The following HYDIN variants were observed in gnomAD, a reference collection of about 807,000 sequenced individuals.
HYDIN encodes axonemal central pair apparatus protein HYDIN.
A neutral mutation model predicts 403.9 loss-of-function variants in HYDIN; 132 were observed. That is an observed-to-expected ratio of 0.33 (90% CI 0.28 to 0.38). The LOEUF (loss-of-function observed/expected upper bound fraction) is 0.38, where lower values mean the gene tolerates loss of function less well. Among genes scored for constraint, HYDIN ranks in the 10% least tolerant of loss-of-function variants. The probability of loss-of-function intolerance (pLI) is 1.00; values close to 1 mark genes in which losing one functional copy is unlikely to be tolerated. For missense variants in HYDIN, 2,827 were observed against 5,009.5 expected (o/e 0.56, Z 13.15); for synonymous variants, 1,202 against 1,891.7 (o/e 0.64, Z 9.46).
intron 78 of HYDIN, among the ~76,000 whole-genome samples, chr16:70,835,043 G>C (rs1469015854): frequency 7.4e-6 from 1 of 135,696 alleles, no homozygotes; most frequent in Non-Finnish European, 1.6e-5. Context: ...TTTTTTTTGA[G>C]ATGGAGTGCC....
chr16:70,942,401 G>A (rs2077707606), intron 42 of HYDIN, among the ~76,000 whole-genome samples: 1 of 152,118 alleles, frequency 6.6e-6, no homozygotes, highest in Admixed American at 6.5e-5. Flanking sequence ...TTAAAGGGCC[G>A]ATCTGGGAAG....
At chr16:70,895,948 C>T in intron 54 of HYDIN, 33 bp downstream of exon 54, 2 of 1,566,172 alleles carry the variant, frequency 1.3e-6, no homozygotes, top group Non-Finnish European at 1.7e-6. Flanking sequence ...GACCCAACTT[C>T]CAAACATCCT....
At chr16:70,978,607 C>T (rs2502652) in intron 30 of HYDIN, among the ~76,000 whole-genome samples, 1 of 152,086 alleles carries the variant, frequency 6.6e-6, no homozygotes, top group South Asian at 2.1e-4. Context: ...GATGCAAAGT[C>T]GATTGGGCCA....
chr16:70,938,559 T>G, intron 44 of HYDIN, 55 bp downstream of exon 44: 1 of 1,203,556 alleles, frequency 8.3e-7, no homozygotes. Context: ...CTGGTCACTC[T>G]GTGGGGACGG....
At chr16:70,933,478 G>A (rs1405869839) in intron 45 of HYDIN, 2 of 149,714 alleles carry the variant, frequency 1.3e-5, no homozygotes, top group Admixed American at 6.7e-5. Context: ...GGGAGGCAGT[G>A]CAAGAACCAG....
intron 46 of HYDIN, 119 bp downstream of exon 46, chr16:70,920,472 T>C (rs1798527): frequency 1.5e-6 from 1 of 658,100 alleles, no homozygotes; most frequent in Non-Finnish European, 2.6e-6. Context: ...AAGGGGGCAT[T>C]AGAGATGCAT....
chr16:70,909,783 C>T (rs1597294200), intron 47 of HYDIN, among the ~76,000 whole-genome samples: 1 of 149,520 alleles, frequency 6.7e-6, no homozygotes. Flanking sequence ...GCAAGCTCCG[C>T]CTCCTGGGTT....
intron 18 of HYDIN, among the ~76,000 whole-genome samples, chr16:71,048,778 A>T: frequency 6.6e-6 from 1 of 152,216 alleles, no homozygotes; most frequent in Non-Finnish European, 1.5e-5. Flanking sequence ...TTATTTTATT[A>T]CCTGGGTGAC....
rs1403958734 is a variant in HYDIN at position 70,837,702 on chromosome 16, A to G, written c.13230T>C (p.Gly4410=). The G allele has an allele frequency of 6.2e-7, 1 of 1,613,724 alleles. No individual in the cohort carries two copies. Among genetic ancestry groups the G allele is most frequent in the Non-Finnish European group, 8.5e-7 (1 of 1,179,808 alleles). ...GACTGTCTGTTACCTTCATTTTGGTACCCTTCCCTTTGATTTCGACTGTTT... is the reference window on the plus strand; with the variant it reads ...GACTGTCTGTTACCTTCATTTTGGTGCCCTTCCCTTTGATTTCGACTGTTT... ...SQQTVEIKGK[G]TKMKILVLDP... The change falls in exon 77 of 86, where the codon GGT becomes GGC. Residue 4410 remains glycine, a synonymous_variant. Coordinates refer to ENST00000393567, the MANE Select transcript of HYDIN (RefSeq NM_001270974.2).
chr16:71,200,153 A>G (rs1055139932), intron 1 of HYDIN, among the ~76,000 whole-genome samples: 2 of 152,252 alleles, frequency 1.3e-5, no homozygotes, highest in Non-Finnish European at 2.9e-5. Context: ...TATATGGTCT[A>G]AAAAGGGGAG....
intron 9 of HYDIN, among the ~76,000 whole-genome samples, chr16:71,117,788 C>A (rs1396222943): frequency 2.6e-5 from 4 of 152,056 alleles, no homozygotes; most frequent in African/African-American, 9.7e-5. Flanking sequence ...TTTAAAAATG[C>A]AGATATCAAA....
At chr16:71,175,847 C>T in intron 4 of HYDIN, 106 bp from the exon 5 acceptor site, 1 of 1,117,200 alleles carries the variant, frequency 9.0e-7, no homozygotes. Context: ...TTGGTCAGGT[C>T]TGAACTTCAG....
chr16:70,821,883 T>G (rs1037782258), intron 83 of HYDIN, among the ~76,000 whole-genome samples: 1 of 152,200 alleles, frequency 6.6e-6, no homozygotes, highest in African/African-American at 2.4e-5. Context: ...CTGAATATTT[T>G]AAGCCCACTG....
intron 71 of HYDIN, among the ~76,000 whole-genome samples, chr16:70,858,941 T>C (rs982152474): frequency 2.7e-5 from 4 of 150,802 alleles, no homozygotes; most frequent in Non-Finnish European, 4.4e-5. Context: ...TTGTTTGGTT[T>C]GGGAATTGTT....
intron 75 of HYDIN, among the ~76,000 whole-genome samples, chr16:70,841,007 T>A (rs1036447530): frequency 6.6e-6 from 1 of 152,138 alleles, no homozygotes; most frequent in Non-Finnish European, 1.5e-5. Flanking sequence ...CTAAGCATCA[T>A]TAGAATAAAC....
At chr16:70,837,474 T>C (rs1241025684) in intron 77 of HYDIN, among the ~76,000 whole-genome samples, 2 of 152,132 alleles carry the variant, frequency 1.3e-5, no homozygotes, top group Non-Finnish European at 2.9e-5. Flanking sequence ...AGTTTGGTAT[T>C]GAATAAGATC....
At chr16:70,982,792 G>T in intron 28 of HYDIN, among the ~76,000 whole-genome samples, 3 of 84,066 alleles carry the variant, frequency 3.6e-5, no homozygotes, top group Admixed American at 1.5e-4. Flanking sequence ...TTTGTTTCTG[G>T]TCTTTTGCTA....
chr16:70,980,430 C>T (rs138396407), intron 29 of HYDIN, among the ~76,000 whole-genome samples: 1 of 151,278 alleles, frequency 6.6e-6, no homozygotes, highest in Non-Finnish European at 1.5e-5. Flanking sequence ...TCCCTTGAGC[C>T]TAAGAGTTAA....
At chr16:71,010,802 A>G (rs13331937) in intron 23 of HYDIN, among the ~76,000 whole-genome samples, 5,517 of 151,896 alleles carry the variant, frequency 0.036, 314 homozygotes, top group African/African-American at 0.12. Context: ...TCCCCTAAAC[A>G]TTTTTATTTT....
Sources: allele counts gnomAD v4.1 joint callset (sites outside exome capture counted in the v4.1 genomes callset), GRCh38; gene constraint gnomAD v4.1.1; transcripts MANE v1.5; gene names NCBI Gene and HGNC (gene_info 2026-07-23, HGNC 2026-07-21).